The following MOB3A variants were observed in gnomAD, a reference collection of about 807,000 sequenced individuals.
MOB3A encodes MOB kinase activator 3A.
MOB3A carries 17 observed loss-of-function variants against 17.8 expected under a neutral mutation model. That is an observed-to-expected ratio of 0.95 (90% CI 0.65 to 1.43). MOB3A has a LOEUF of 1.43. Among genes scored for constraint, MOB3A ranks in the 40% most tolerant of loss-of-function variants. MOB3A has a pLI of 0.00. For synonymous variants in MOB3A, 124 were observed against 133.2 expected, an observed-to-expected ratio of 0.93 and a Z score of 0.48; for missense variants, 333 against 310.8, an observed-to-expected ratio of 1.07 and a Z score of -0.54.
At position 2,072,855 on chromosome 19, in the gene MOB3A, G is replaced by GGGAGTGC. The variant is rs1189028401; in HGVS notation, c.*533_*539dup. The GGGAGTGC allele has an allele frequency of 1.2e-4, 18 of 153,816 alleles. No individual in the cohort carries two copies. The highest frequency in any genetic ancestry group is 4.3e-4 in the African/African-American group (18 of 41,508). The allele number at this position is 153,816 out of a possible 1,614,324, so 9.5% of individuals were successfully genotyped here. On this transcript the variant is annotated 3_prime_UTR_variant, in exon 5 of 5. Transcript: ENST00000357066. ...GAAGAGACACCAGCGGCTGCCAGTG[G>GGGAGTGC]GGAGTGCGGAGTAAAGGCCTGCGGG...
rs900292377 is a variant in MOB3A at position 2,083,316 on chromosome 19, A to T, written c.-120+1859T>A. Reference sequence around the variant, plus strand: ...GAGCAGGTGGGAGCTGTTGGGGGGGACCTGAGGCCCTTCGCCAGTGACAGC... The same window carrying T: ...GAGCAGGTGGGAGCTGTTGGGGGGGTCCTGAGGCCCTTCGCCAGTGACAGC... On this transcript the variant is annotated intron_variant, in intron 2 of 4. Coordinates refer to ENST00000357066, the MANE Select transcript of MOB3A (RefSeq NM_130807.3). Among the ~76,000 whole-genome samples the T allele has an allele frequency of 6.9e-4, 105 of 152,048 alleles. 1 individual carries two copies. The highest frequency in any genetic ancestry group is 8.8e-5 in the Non-Finnish European group (6 of 67,942).
chr19:2,085,019 C>T (rs888251825), intron 2 of MOB3A, among the ~76,000 whole-genome samples, 156 bp downstream of exon 2: 3 of 152,134 alleles, frequency 2.0e-5, no homozygotes, highest in East Asian at 3.9e-4. Flanking sequence ...CCACCATGTC[C>T]GGCCCGAGCA....
Position 2,082,542 on chromosome 19 carries a change from C to T in MOB3A, c.-120+2633G>A, listed in dbSNP as rs1388735748. On this transcript the variant is annotated intron_variant, in intron 2 of 4. Coordinates refer to ENST00000357066, the MANE Select transcript of MOB3A (RefSeq NM_130807.3). This position sits in a 1 kb window ranked among gnomAD's most constrained non-coding sequence, Gnocchi z 4.1. The stretch of plus-strand genomic sequence containing the variant: ...CGAACCCTGGACTCTGTGGGTGGAT[C>T]GGCCGGGTCTCGAACCCTGGACTCT... Among the ~76,000 whole-genome samples the T allele has an allele frequency of 2.6e-5, 4 of 152,120 alleles. No homozygotes were observed. Among genetic ancestry groups the T allele is most frequent in the Non-Finnish European group, 5.9e-5 (4 of 68,010 alleles).
At chr19:2,073,770 C>G (rs1199805425) in intron 4 of MOB3A, among the ~76,000 whole-genome samples, 6 of 152,206 alleles carry the variant, frequency 3.9e-5, no homozygotes. Flanking sequence ...GTGGCTCACG[C>G]CTGTAATCCC....
chr19:2,092,443 TG>T (rs1269459336), intron 1 of MOB3A, among the ~76,000 whole-genome samples: 1 of 152,044 alleles, frequency 6.6e-6, no homozygotes, highest in African/African-American at 2.4e-5. Context: ...TTTCCCAGTC[TG>T]GGTATATAAG....
rs1040999135 is a variant in MOB3A, at chr19:2,071,630, C to T, written c.*1765G>A. On this transcript the variant is annotated 3_prime_UTR_variant, in exon 5 of 5. Transcript: ENST00000357066. ...CAGGGAGAGGAGGTGGCTGCCTTTTCTCAGGGCCCTGCTCTCACCTTCCAA... is the reference window on the plus strand; with the variant it reads ...CAGGGAGAGGAGGTGGCTGCCTTTTTTCAGGGCCCTGCTCTCACCTTCCAA... 5 of 152,298 alleles carry T rather than the reference C, an allele frequency of 3.3e-5. No individual in the cohort carries two copies. Among genetic ancestry groups the T allele is most frequent in the African/African-American group, 7.2e-5 (3 of 41,414 alleles). 9.4% of individuals were successfully genotyped at this position (152,298 alleles called of 1,614,324 possible).
At chr19:2,096,384 C>T (rs1393933453), upstream of MOB3A, 1 of 154,622 alleles carries the variant, frequency 6.5e-6, no homozygotes, top group African/African-American at 2.4e-5. Flanking sequence ...GACCTACTTT[C>T]CTTAAAGGGC....
intron 4 of MOB3A, among the ~76,000 whole-genome samples, chr19:2,075,468 TAC>T (rs376826133): frequency 1.9e-4 from 29 of 152,180 alleles, no homozygotes; most frequent in African/African-American, 6.7e-4. Flanking sequence ...ACCCCATCTC[TAC>T]ACACAATAAA....
intron 4 of MOB3A, 146 bp downstream of exon 4, chr19:2,076,665 C>A (rs1193835780): frequency 1.4e-6 from 1 of 733,126 alleles, no homozygotes; most frequent in Non-Finnish European, 2.3e-6. Flanking sequence ...GTCCCATCAG[C>A]AGGGTCCCCG....
At chr19:2,075,032 CTTTTT>C (rs903527212) in intron 4 of MOB3A, among the ~76,000 whole-genome samples, 1 of 133,242 alleles carries the variant, frequency 7.5e-6, no homozygotes, top group Non-Finnish European at 1.6e-5. Flanking sequence ...CTTTTCTTTT[CTTTTT>C]TTTTTTTTTT....
At chr19:2,091,257 C>T (rs187192832) in intron 1 of MOB3A, among the ~76,000 whole-genome samples, 83 of 152,304 alleles carry the variant, frequency 5.4e-4, no homozygotes, top group African/African-American at 1.9e-3. Flanking sequence ...GACTTCTCAT[C>T]CTTGTGTAAC....
chr19:2,092,291 G>A (rs1031204492), intron 1 of MOB3A, among the ~76,000 whole-genome samples: 15 of 151,806 alleles, frequency 9.9e-5, no homozygotes, highest in African/African-American at 3.6e-4. Context: ...GGTAGAGATG[G>A]GGTCTTACTA....
At chr19:2,090,870 G>A (rs1197225991) in intron 1 of MOB3A, among the ~76,000 whole-genome samples, 1 of 152,202 alleles carries the variant, frequency 6.6e-6, no homozygotes. Context: ...CACCGTGTTA[G>A]TCAGGATGGT....
rs776954278 is a variant in MOB3A, at chr19:2,076,958, C to T, written c.477G>A (p.Leu159=). ...LQTVRKILSR[L]FRVFVHVYIH... ...TGTAGACGTGCACGAACACGCGGAA[C>T]AGCCGCGACAGGATCTTCCGCACCG... is the stretch of plus-strand genomic sequence containing the variant. Residue 159 remains leucine, a synonymous_variant, in exon 4 of 5, where the codon CTG becomes CTA. Coordinates refer to ENST00000357066, the MANE Select transcript of MOB3A (RefSeq NM_130807.3). The T allele has an allele frequency of 6.2e-7, 1 of 1,613,788 alleles. No individual in the cohort carries two copies. The highest frequency in any genetic ancestry group is 8.5e-7 in the Non-Finnish European group (1 of 1,180,010).
chr19:2,084,291 G>A (rs981305756), intron 2 of MOB3A: 27 of 390,506 alleles, frequency 6.9e-5, no homozygotes, highest in East Asian at 3.8e-4. Flanking sequence ...TCAGGAGTTC[G>A]AGACCAGCCT....
rs147335373 is a variant in MOB3A at position 2,078,392 on chromosome 19, G to C, written c.169C>G (p.Leu57Val). ...ACGTGAACAGCCACCCAGTCGTTCA[G>C]GTCCTCGCCCGGGGGCAACTGCACG... ...LAVQLPPGED[L>V]NDWVAVHVVD... The change falls in exon 3 of 5, where the codon CTG becomes GTG. Residue 57 changes from leucine to valine, a missense_variant. Coordinates refer to ENST00000357066, the MANE Select transcript of MOB3A (RefSeq NM_130807.3). 10 of 1,614,180 alleles carry C rather than the reference G, an allele frequency of 6.2e-6. No individual in the cohort carries two copies. The highest frequency in any genetic ancestry group is 8.5e-6 in the Non-Finnish European group (10 of 1,180,034).
intron 2 of MOB3A, among the ~76,000 whole-genome samples, chr19:2,081,648 G>C (rs2017491513): frequency 6.6e-6 from 1 of 152,122 alleles, no homozygotes; most frequent in Admixed American, 6.5e-5. Flanking sequence ...CACTTTGAGA[G>C]GCTGAGGCGG....
At chr19:2,089,910 T>C (rs2017593952) in intron 1 of MOB3A, among the ~76,000 whole-genome samples, 1 of 151,404 alleles carries the variant, frequency 6.6e-6, no homozygotes, top group Non-Finnish European at 1.5e-5. Flanking sequence ...GGGCAGCCCC[T>C]CCTCTAGTTG....
At chr19:2,084,099 A>C in intron 2 of MOB3A, 1 of 485,700 alleles carries the variant, frequency 2.1e-6, no homozygotes, top group Non-Finnish European at 4.1e-6. Flanking sequence ...ATATCCTTTT[A>C]AGCTTGTCTA....
Sources: allele counts gnomAD v4.1 joint callset (sites outside exome capture counted in the v4.1 genomes callset), GRCh38; gene constraint gnomAD v4.1.1; non-coding constraint Gnocchi (gnomAD v3.1); transcripts MANE v1.5; gene names NCBI Gene and HGNC (gene_info 2026-07-23, HGNC 2026-07-21).